Variants in CPNE1 observed in about 807,000 individuals in gnomAD.
CPNE1 encodes copine-1.
Under a neutral mutation model 63.2 loss-of-function variants are expected in CPNE1, and 58 were observed. The observed-to-expected ratio is 0.92, with a 90% CI of 0.74 to 1.14. The LOEUF (loss-of-function observed/expected upper bound fraction) is 1.14, where lower values mean the gene tolerates loss of function less well. Ranked by LOEUF, CPNE1 falls within the 50% of genes most tolerant of loss-of-function variation. The pLI is 0.00. For synonymous variants in CPNE1, 237 were observed against 249.0 expected (o/e 0.95, Z 0.45); for missense variants, 672 against 661.7 (o/e 1.02, Z -0.17).
In CPNE1 at chr20:35,626,660, C is replaced by A. The variant is rs201306063; in HGVS notation, c.1380G>T (p.Gln460His). The change falls in exon 15 of 16, where the codon CAG becomes CAT. Residue 460 changes from glutamine (Q) to histidine (H), a missense_variant. Transcript: ENST00000397443. ...VGGADFEAME[Q>H]LDADGGPLHT... ...GCAGGGGTCCACCATCAGCGTCCAG[C>A]TGCTCCATGGCCTCAAAGTCAGCAC... 2 of 1,614,234 alleles carry A rather than the reference C, an allele frequency of 1.2e-6. No individual in the cohort carries two copies. Among genetic ancestry groups the A allele is most frequent in the Non-Finnish European group, 1.7e-6 (2 of 1,180,050 alleles).
rs1175412905 is a variant in CPNE1, at chr20:35,655,296, A to G, written c.-1+9464T>C. The G allele has an allele frequency of 3.7e-6, 6 of 1,610,694 alleles. No homozygotes were observed. The Admixed American group carries it at 1.0e-4, about 27-fold the overall frequency. ...CCATGGTCCCCGCCACAATTGGGAGACCTTGCAAACGGATGACCACAGCCA... is the reference window on the plus strand; with the variant it reads ...CCATGGTCCCCGCCACAATTGGGAGGCCTTGCAAACGGATGACCACAGCCA... On this transcript the variant is annotated intron_variant, in intron 1 of 15. Coordinates refer to ENST00000397443, the MANE Select transcript of CPNE1 (RefSeq NM_152925.3).
chr20:35,648,209 A>C (rs1431842475), intron 1 of CPNE1, among the ~76,000 whole-genome samples: 1 of 152,206 alleles, frequency 6.6e-6, no homozygotes, highest in African/African-American at 2.4e-5. Context: ...AACATTTCAC[A>C]AGTCAAAATG....
In CPNE1 at chr20:35,632,571, C is replaced by T. The variant is rs1284983048; in HGVS notation, c.255G>A (p.Thr85=). 3.1e-6 allele frequency: 5 copies of T among 1,613,968 alleles called. No homozygotes were observed. Among genetic ancestry groups the T allele is most frequent in the Non-Finnish European group, 3.4e-6 (4 of 1,179,848 alleles). ...RFGIYDIDNK[T]PELRDDDFLG... ...GGAAGTCATCATCCCTCAGCTCTGG[C>T]GTCTTGTTGTCTATGTCATAGATTC... Residue 85 remains threonine (T), a synonymous_variant, in exon 3 of 16, where the codon ACG becomes ACA. Transcript: ENST00000397443.
intron 1 of CPNE1, among the ~76,000 whole-genome samples, chr20:35,658,168 T>G (rs1216369028): frequency 2.0e-5 from 3 of 152,222 alleles, no homozygotes; most frequent in Non-Finnish European, 2.9e-5. Context: ...TGGGCCTATC[T>G]TAGTTACTTA....
intron 1 of CPNE1, among the ~76,000 whole-genome samples, chr20:35,662,437 T>C (rs1490073752): frequency 6.6e-6 from 1 of 152,244 alleles, no homozygotes; most frequent in African/African-American, 2.4e-5. Context: ...GATAAAATTA[T>C]CTTTTCTGTT....
chr20:35,652,736 T>C (rs1443446700), intron 1 of CPNE1: 3 of 1,613,726 alleles, frequency 1.9e-6, no homozygotes, highest in Admixed American at 1.7e-5. Context: ...GTAAAGGGCA[T>C]GTTTTGCACT....
At position 35,627,351 on chromosome 20, in the gene CPNE1, T is replaced by C; in HGVS notation, c.1165A>G (p.Thr389Ala). 6.2e-7 allele frequency: 1 copy of C among 1,614,040 alleles called. No individual in the cohort carries two copies. The highest frequency in any genetic ancestry group is 8.5e-7 in the Non-Finnish European group (1 of 1,179,982). The change falls in exon 14 of 16, where the codon ACC (threonine) becomes GCC (alanine). Residue 389 changes from threonine to alanine, a missense_variant. Physicochemically the swap from Thr to Ala is moderately conservative, Grantham distance 58. Transcript: ENST00000397443. The part of the protein sequence containing the change: ...ALPQVRLYGP[T>A]NFAPIINHVA... The stretch of plus-strand genomic sequence containing the variant: ...TGGTTGATGATGGGTGCAAAGTTGG[T>C]AGGGCCATAGAGGCGAACTTGGGGC...
chr20:35,630,209 G>A (rs1415813073), intron 13 of CPNE1, among the ~76,000 whole-genome samples: 2 of 152,206 alleles, frequency 1.3e-5, no homozygotes, highest in Middle Eastern at 3.2e-3. Flanking sequence ...CAGAAGAATT[G>A]CTCGAACCCA....
At position 35,627,252 on chromosome 20, in the gene CPNE1, C is replaced by T. The variant is rs749361503; in HGVS notation, c.1236+28G>A. 5 of 1,592,240 alleles carry T rather than the reference C, an allele frequency of 3.1e-6. No individual in the cohort carries two copies. The Admixed American group carries it at 7.0e-5, about 22-fold the overall frequency. On this transcript the variant is annotated intron_variant, in intron 14 of 15. Coordinates refer to ENST00000397443, the MANE Select transcript of CPNE1 (RefSeq NM_152925.3). ...CCTCAAGGAAGCCCTTGATTGCCAC[C>T]ACTGCCACTGCCACCCACGACTCTC...
At chr20:35,633,396 ATAATTT>A (rs2032289591) in intron 1 of CPNE1, among the ~76,000 whole-genome samples, 1 of 152,168 alleles carries the variant, frequency 6.6e-6, no homozygotes, top group South Asian at 2.1e-4. Context: ...TCTTCTTCCA[ATAATTT>A]CTCACTAACC....
At chr20:35,657,414 T>A (rs1292145618) in intron 1 of CPNE1, among the ~76,000 whole-genome samples, 1 of 152,160 alleles carries the variant, frequency 6.6e-6, no homozygotes, top group Admixed American at 6.5e-5. Flanking sequence ...AAACGGTTAA[T>A]CACTTTGTAT....
chr20:35,664,087 C>T (rs1003366051), intron 1 of CPNE1, among the ~76,000 whole-genome samples: 1 of 152,134 alleles, frequency 6.6e-6, no homozygotes, highest in African/African-American at 2.4e-5. Flanking sequence ...CCCTCACCTC[C>T]TAGCTTCAGA....
At chr20:35,646,251 T>G (rs1330815044) in intron 1 of CPNE1, among the ~76,000 whole-genome samples, 2 of 42,412 alleles carry the variant, frequency 4.7e-5, no homozygotes, top group East Asian at 8.1e-4. Flanking sequence ...CAAGACCATC[T>G]CAAAAAAAAA....
At chr20:35,654,562 G>C (rs764477459) in intron 1 of CPNE1, 2 of 1,614,226 alleles carry the variant, frequency 1.2e-6, no homozygotes, top group Admixed American at 3.3e-5. Flanking sequence ...AGCAGGTAGA[G>C]GTGCCACAGG....
intron 1 of CPNE1, among the ~76,000 whole-genome samples, chr20:35,637,162 C>G (rs1271664539): frequency 3.3e-5 from 5 of 152,072 alleles, no homozygotes; most frequent in Admixed American, 1.3e-4. Context: ...GTTCAACAAC[C>G]CCTACCTAAC....
At chr20:35,654,674 A>G in intron 1 of CPNE1, 1 of 1,613,362 alleles carries the variant, frequency 6.2e-7, no homozygotes, top group Non-Finnish European at 8.5e-7. Context: ...ACAGGAGGCA[A>G]TGTAGGTACT....
At chr20:35,654,342 G>A (rs753040213) in intron 1 of CPNE1, 1 of 1,614,022 alleles carries the variant, frequency 6.2e-7, no homozygotes, top group Non-Finnish European at 8.5e-7. Flanking sequence ...CATCAACACG[G>A]AGCCCATGAA....
chr20:35,627,346 G>C lies in CPNE1; in HGVS notation c.1170C>G (p.Asn390Lys). ...LPQVRLYGPTNFAPIINHVAR... is the reference protein window; with the variant it reads ...LPQVRLYGPTKFAPIINHVAR... ...CCACATGGTTGATGATGGGTGCAAA[G>C]TTGGTAGGGCCATAGAGGCGAACTT... The change falls in exon 14 of 16, where the codon AAC (asparagine) becomes AAG (lysine). Residue 390 changes from asparagine (N) to lysine (K), a missense_variant. By Grantham distance (94) the Asn-to-Lys change is moderately conservative (BLOSUM62 0). Coordinates refer to ENST00000397443, the MANE Select transcript of CPNE1 (RefSeq NM_152925.3). 6.2e-7 allele frequency: 1 copy of C among 1,614,184 alleles called. No homozygotes were observed. The highest frequency in any genetic ancestry group is 1.3e-5 in the African/African-American group (1 of 75,062).
intron 1 of CPNE1, chr20:35,652,774 G>A: frequency 6.2e-7 from 1 of 1,611,880 alleles, no homozygotes; most frequent in Non-Finnish European, 8.5e-7. Context: ...TGGTTTTCCA[G>A]AACTAGATGC....
Sources: allele counts gnomAD v4.1 joint callset (sites outside exome capture counted in the v4.1 genomes callset), GRCh38; gene constraint gnomAD v4.1.1; transcripts MANE v1.5; gene names NCBI Gene and HGNC (gene_info 2026-07-23, HGNC 2026-07-21).